Variants in ARID1B observed in about 807,000 individuals in gnomAD.
The protein encoded by ARID1B is AT-rich interactive domain-containing protein 1B.
ARID1B carries 30 observed loss-of-function variants against 212.3 expected under a neutral mutation model. The ratio of observed to expected loss-of-function variants is 0.14; its 90% CI spans 0.11 to 0.19. The LOEUF (loss-of-function observed/expected upper bound fraction) is 0.19, where lower values mean the gene tolerates loss of function less well. Ranked by LOEUF, ARID1B falls within the 10% of genes least tolerant of loss-of-function variation. The probability of loss-of-function intolerance (pLI) is 1.00; values close to 1 mark genes in which losing one functional copy is unlikely to be tolerated. For synonymous variants in ARID1B, 1,402 were observed against 1,301.7 expected (o/e 1.08, Z -1.66); for missense variants, 2,891 against 3,204.0 (o/e 0.90, Z 2.36).
rs1411903705 is a variant in ARID1B at position 156,788,412 on chromosome 6, C to T, written c.1791+8941C>T. Among the ~76,000 whole-genome samples the T allele has an allele frequency of 2.6e-5, 4 of 152,260 alleles. No homozygotes were observed. In the East Asian group the frequency reaches 5.8e-4, roughly 22 times the overall value. On this transcript the variant is annotated intron_variant, in intron 1 of 19. Coordinates refer to ENST00000636930, the MANE Select transcript of ARID1B (RefSeq NM_001374828.1). ...GATGCCATTGGCCCCAAGCTGCTAC[C>T]CCATTCAATATCCCATCCCTAATAT...
chr6:157,140,401 C>T (rs1039093804), intron 7 of ARID1B, among the ~76,000 whole-genome samples: 2 of 150,592 alleles, frequency 1.3e-5, no homozygotes, highest in African/African-American at 4.9e-5. Context: ...ACCCGGGAGG[C>T]GGAGGTTGCA....
At chr6:157,030,428 G>A (rs1423724475) in intron 4 of ARID1B, 1 of 152,174 alleles carries the variant, frequency 6.6e-6, no homozygotes, top group Non-Finnish European at 1.5e-5. Flanking sequence ...CTCCACCTTG[G>A]GTGGAAGAGG....
chr6:156,806,980 A>G (rs1391595287), intron 1 of ARID1B, among the ~76,000 whole-genome samples: 1 of 152,164 alleles, frequency 6.6e-6, no homozygotes, highest in Non-Finnish European at 1.5e-5. Context: ...TATTCTTTTG[A>G]TTTCTTTCCC....
intron 4 of ARID1B, among the ~76,000 whole-genome samples, chr6:157,003,854 A>C (rs1779042869): frequency 6.6e-6 from 1 of 151,932 alleles, no homozygotes; most frequent in Non-Finnish European, 1.5e-5. Flanking sequence ...GTTCCTGGAT[A>C]ATTAAAAAAA....
intron 6 of ARID1B, among the ~76,000 whole-genome samples, chr6:157,125,355 A>T (rs1788065764): frequency 6.6e-6 from 1 of 152,200 alleles, no homozygotes; most frequent in Admixed American, 6.5e-5. Flanking sequence ...GTGGGTGGTC[A>T]TTTCTTGACA....
chr6:157,034,817 G>C, intron 4 of ARID1B, among the ~76,000 whole-genome samples: 1 of 152,310 alleles, frequency 6.6e-6, no homozygotes, highest in East Asian at 1.9e-4. Context: ...AGAAATAGAG[G>C]ATGTAAAGGA....
chr6:156,840,484 A>G (rs1046222745), intron 2 of ARID1B, among the ~76,000 whole-genome samples: 1 of 152,168 alleles, frequency 6.6e-6, no homozygotes, highest in African/African-American at 2.4e-5. Context: ...ACATTTCCAA[A>G]CTACTAATGA....
intron 11 of ARID1B, among the ~76,000 whole-genome samples, chr6:157,176,803 G>A (rs1240143710): frequency 1.3e-5 from 2 of 152,130 alleles, no homozygotes; most frequent in East Asian, 1.9e-4. Flanking sequence ...CCGAGATCGC[G>A]CCACTGCACT....
Position 157,021,893 on chromosome 6 carries a change from A to C in ARID1B, c.2248-62769A>C, listed in dbSNP as rs969418445. Among the ~76,000 whole-genome samples, 22 of 151,738 alleles carry C rather than the reference A, an allele frequency of 1.4e-4. 1 individual carries two copies. The highest frequency in any genetic ancestry group is 6.2e-4 in the South Asian group (3 of 4,804). On this transcript the variant is annotated intron_variant, in intron 4 of 19. Transcript: ENST00000636930. ...CGCCGTCTCGCGCCGCCGCCCCGCTACCTCGCCGCGCGCCCCTAACCTCTG... is the reference window on the plus strand; with the variant it reads ...CGCCGTCTCGCGCCGCCGCCCCGCTCCCTCGCCGCGCGCCCCTAACCTCTG...
At position 157,196,594 on chromosome 6, in the gene ARID1B, G is replaced by A. The variant is rs143697637; in HGVS notation, c.4382+279G>A. On this transcript the variant is annotated intron_variant, in intron 16 of 19. Transcript: ENST00000636930. ...GCCGCCACAAGTCACGCTGGCACCC[G>A]GCACCAGCACCCAGCTTCCTTCTGA... Among the ~76,000 whole-genome samples, 507 of 152,224 alleles carry A rather than the reference G, an allele frequency of 3.3e-3. 3 individuals carry two copies. The highest frequency in any genetic ancestry group is 6.0e-3 in the South Asian group (29 of 4,814).
intron 4 of ARID1B, among the ~76,000 whole-genome samples, chr6:156,959,024 C>G (rs920841794): frequency 1.1e-4 from 17 of 152,164 alleles, no homozygotes; most frequent in Non-Finnish European, 1.9e-4. Flanking sequence ...AATTATCATA[C>G]TTTGGTTAAT....
chr6:156,998,283 C>T (rs897988914), intron 4 of ARID1B, among the ~76,000 whole-genome samples: 7 of 150,616 alleles, frequency 4.6e-5, no homozygotes, highest in Non-Finnish European at 7.4e-5. Flanking sequence ...TGCAGTGGCG[C>T]GATCTTGGCT....
Position 156,831,849 on chromosome 6 carries a change from T to A in ARID1B, c.1986+2428T>A, listed in dbSNP as rs1783164511. 2.6e-5 allele frequency among the ~76,000 whole-genome samples: 4 copies of A among 152,236 alleles called. No individual in the cohort carries two copies. In the South Asian group the frequency reaches 8.3e-4, roughly 31 times the overall value. On this transcript the variant is annotated intron_variant, in intron 2 of 19. Coordinates refer to ENST00000636930, the MANE Select transcript of ARID1B (RefSeq NM_001374828.1). ...ACCCAATTCTAATTAAGCACAGATC[T>A]TTCTGATAATGAAAGGAAAATAGTA... is the stretch of plus-strand genomic sequence containing the variant.
intron 3 of ARID1B, among the ~76,000 whole-genome samples, chr6:156,921,704 G>T (rs1161240645): frequency 6.6e-6 from 1 of 152,074 alleles, no homozygotes; most frequent in Non-Finnish European, 1.5e-5. Flanking sequence ...TTAACATCTT[G>T]TAAAAAGTTC....
At chr6:157,111,684 A>G (rs752943594) in intron 6 of ARID1B, among the ~76,000 whole-genome samples, 13 of 152,268 alleles carry the variant, frequency 8.5e-5, no homozygotes, top group Non-Finnish European at 1.3e-4. Flanking sequence ...ACTAATGTCA[A>G]TGAAAAGATA....
intron 4 of ARID1B, among the ~76,000 whole-genome samples, chr6:157,003,773 C>T (rs1340787808): frequency 2.6e-5 from 4 of 152,108 alleles, no homozygotes; most frequent in Non-Finnish European, 5.9e-5. Flanking sequence ...GCTGTAGCCT[C>T]GACCTCCTTG....
chr6:157,004,904 T>TTTTTTTG (rs1779138897), intron 4 of ARID1B, among the ~76,000 whole-genome samples: 3 of 32,098 alleles, frequency 9.3e-5, no homozygotes, highest in Non-Finnish European at 6.2e-5. Context: ...TTTCTTTTTT[T>TTTTTTTG]TTTTTTTTTT....
chr6:157,071,798 C>G (rs1026997202), intron 4 of ARID1B: 1 of 152,160 alleles, frequency 6.6e-6, no homozygotes, highest in African/African-American at 2.4e-5. Context: ...ACTAGAAGTT[C>G]CTATGTCTGA....
rs890215101 is a variant in ARID1B, at chr6:156,778,051, C to G, written c.371C>G (p.Ser124Cys). ...AAALSSSSSS[S>C]AAAAAASSSS... is the part of the protein sequence containing the mutation. ...GCGCTGTCCTCCTCCTCCTCCTCCT[C>G]CGCGGCGGCAGCGGCGGCATCCTCT... is the stretch of plus-strand genomic sequence containing the variant. The change falls in exon 1 of 20, where the codon TCC becomes TGC. Residue 124 changes from serine (S) to cysteine (C), a missense_variant. Physicochemically the swap from Ser to Cys is moderately radical, Grantham distance 112. This residue lies in a region of ARID1B where 1,643 missense variants were observed against 1,544.0 expected (regional missense o/e 1.06). Coordinates refer to ENST00000636930, the MANE Select transcript of ARID1B (RefSeq NM_001374828.1). 2.0e-6 allele frequency: 3 copies of G among 1,536,296 alleles called. No individual in the cohort carries two copies. The highest frequency in any genetic ancestry group is 2.5e-5 in the East Asian group (1 of 40,736).
Sources: allele counts gnomAD v4.1 joint callset (sites outside exome capture counted in the v4.1 genomes callset), GRCh38; gene constraint gnomAD v4.1.1; regional missense constraint gnomAD v4.1.1; transcripts MANE v1.5; gene names NCBI Gene and HGNC (gene_info 2026-07-23, HGNC 2026-07-21).